Variants in SLC9C1 observed in about 807,000 individuals in gnomAD.
SLC9C1 encodes the protein solute carrier family 9 member C1.
SLC9C1 carries 97 observed loss-of-function variants against 140.9 expected under a neutral mutation model. The observed-to-expected ratio is 0.69, with a 90% CI of 0.58 to 0.82. The LOEUF (loss-of-function observed/expected upper bound fraction) is 0.82. SLC9C1 is among the 40% of genes least tolerant of loss of function. The pLI is 0.00. For synonymous variants in SLC9C1, 440 were observed against 442.6 expected, an observed-to-expected ratio of 0.99 and a Z score of 0.07; for missense variants, 1,340 against 1,389.3, an observed-to-expected ratio of 0.96 and a Z score of 0.56.
chr3:112,223,747 A>G (rs1249257644), intron 13 of SLC9C1, among the ~76,000 whole-genome samples: 2 of 152,214 alleles, frequency 1.3e-5, no homozygotes, highest in Non-Finnish European at 2.9e-5. Context: ...TACTCCAAAA[A>G]GGTTCAGATT....
At chr3:112,145,656 T>C (rs2074769977) in intron 28 of SLC9C1, among the ~76,000 whole-genome samples, 1 of 147,014 alleles carries the variant, frequency 6.8e-6, no homozygotes. Context: ...GAACCTGATA[T>C]TGGTCTGTTC....
chr3:112,214,455 A>G (rs1471445158), intron 15 of SLC9C1, among the ~76,000 whole-genome samples: 1 of 152,202 alleles, frequency 6.6e-6, no homozygotes, highest in Non-Finnish European at 1.5e-5. Flanking sequence ...AAATTGATAG[A>G]CCACTAGCAA....
Position 112,172,477 on chromosome 3 carries a change from A to C in SLC9C1, c.2920-3149T>G, listed in dbSNP as rs1560028232. ...TTTTGGTAGAATCTTACAAATGTAG[A>C]TATCATGCCATCTTGCAGAGACAAT... is the stretch of plus-strand genomic sequence containing the variant. On this transcript the variant is annotated intron_variant, in intron 23 of 28. Coordinates refer to ENST00000305815, the MANE Select transcript of SLC9C1 (RefSeq NM_183061.3). Among the ~76,000 whole-genome samples, 4 of 152,100 alleles carry C rather than the reference A, an allele frequency of 2.6e-5. No homozygotes were observed. The East Asian group carries it at 5.8e-4, about 22-fold the overall frequency.
At chr3:112,262,054 G>A (rs534082840) in intron 10 of SLC9C1, among the ~76,000 whole-genome samples, 2 of 152,118 alleles carry the variant, frequency 1.3e-5, no homozygotes, top group South Asian at 2.1e-4. Flanking sequence ...TTGGAGTGAG[G>A]AAACTGATAC....
At chr3:112,142,123 C>T (rs13314268) in intron 28 of SLC9C1, among the ~76,000 whole-genome samples, 43,312 of 152,010 alleles carry the variant, frequency 0.28, 6,348 homozygotes, top group East Asian at 0.37. Flanking sequence ...AGTGTGTGAG[C>T]ATTCTTATAA....
rs528228567 is a variant in SLC9C1 at position 112,202,306 on chromosome 3, C to T, written c.2266G>A (p.Glu756Lys). 9.9e-6 allele frequency: 16 copies of T among 1,611,330 alleles called. No individual in the cohort carries two copies. The highest frequency in any genetic ancestry group is 3.3e-5 in the Admixed American group (2 of 59,770). The change falls in exon 18 of 29, where the codon GAA (glutamate) becomes AAA (lysine). Residue 756 changes from glutamate to lysine, a missense_variant. By Grantham distance (56) the Glu-to-Lys change is moderately conservative. Coordinates refer to ENST00000305815, the MANE Select transcript of SLC9C1 (RefSeq NM_183061.3). ...TCAATTATGGTCATTATGTCTGCTT[C>T]GCCTTGGACATAGCCTTTTAGTATT... ...YGILKGYVQG[E>K]ADIMTIIDQI...
chr3:112,234,830 G>C (rs940144621), intron 12 of SLC9C1, among the ~76,000 whole-genome samples: 1 of 152,008 alleles, frequency 6.6e-6, no homozygotes, highest in African/African-American at 2.4e-5. Context: ...CTGTTCCATT[G>C]TCTAGATCTC....
chr3:112,185,506 T>C, intron 20 of SLC9C1: 4 of 1,612,204 alleles, frequency 2.5e-6, no homozygotes, highest in Non-Finnish European at 3.4e-6. Context: ...ATCTCTCCTT[T>C]TTCAGGTACA....
At position 112,274,955 on chromosome 3, in the gene SLC9C1, T is replaced by C; in HGVS notation, c.555A>G (p.Thr185=). The C allele has an allele frequency of 6.3e-7, 1 of 1,577,458 alleles. No individual in the cohort carries two copies. Among genetic ancestry groups the C allele is most frequent in the South Asian group, 1.2e-5 (1 of 82,818 alleles). Residue 185 remains threonine, a synonymous_variant, in exon 6 of 29, where the codon ACA becomes ACG. Transcript: ENST00000305815. ...SLMTSVISLI[T]FTSIMDFDQR... ...GGTCAAAATCCATAATACTAGTAAA[T>C]GTAATTAATGATATAACAGAGGTCA...
chr3:112,202,500 C>T lies in SLC9C1; in HGVS notation c.2173-101G>A, dbSNP rs2077932561. 4 of 1,190,604 alleles carry T rather than the reference C, an allele frequency of 3.4e-6. No individual in the cohort carries two copies. In the South Asian group the frequency reaches 5.2e-5, roughly 15 times the overall value. The allele number at this position is 1,190,604 out of a possible 1,614,324, so 73.8% of individuals were successfully genotyped here. A position where few individuals can be genotyped will look rare whatever the true frequency, so the allele number is the denominator to read the frequency against. ...ATAGTTAATAATAAGAAATTAAGTGCCCTCAAAGGTAACTACAATAACCTG... is the reference window on the plus strand; with the variant it reads ...ATAGTTAATAATAAGAAATTAAGTGTCCTCAAAGGTAACTACAATAACCTG... On this transcript the variant is annotated intron_variant, in intron 17 of 28. Transcript: ENST00000305815.
At chr3:112,235,509 A>C (rs1294705484) in intron 12 of SLC9C1, among the ~76,000 whole-genome samples, 2 of 150,540 alleles carry the variant, frequency 1.3e-5, no homozygotes, top group Non-Finnish European at 3.0e-5. Flanking sequence ...TTCCAACACT[A>C]TGTTGAATAG....
At chr3:112,174,262 T>A (rs2077296406) in intron 23 of SLC9C1, among the ~76,000 whole-genome samples, 1 of 152,166 alleles carries the variant, frequency 6.6e-6, no homozygotes, top group Non-Finnish European at 1.5e-5. Context: ...TCCACCTCCA[T>A]GAAATGTGGA....
At chr3:112,194,954 C>T (rs2077739121) in intron 20 of SLC9C1, among the ~76,000 whole-genome samples, 1 of 152,188 alleles carries the variant, frequency 6.6e-6, no homozygotes, top group South Asian at 2.1e-4. Flanking sequence ...GGAGAAATTT[C>T]TATTCAAATG....
intron 26 of SLC9C1, 62 bp downstream of exon 26, chr3:112,167,159 C>T: frequency 1.3e-6 from 2 of 1,572,206 alleles, no homozygotes; most frequent in Non-Finnish European, 1.7e-6. Flanking sequence ...TCCAAATACA[C>T]ATATGGCTAT....
intron 26 of SLC9C1, among the ~76,000 whole-genome samples, chr3:112,157,698 C>T (rs1285413864): frequency 6.6e-6 from 1 of 151,580 alleles, no homozygotes; most frequent in East Asian, 1.9e-4. Flanking sequence ...TGATTTCTTT[C>T]AACAGTGTTT....
At chr3:112,151,811 G>GGACA (rs1560004727) in intron 28 of SLC9C1, 46 bp downstream of exon 28, 1 of 1,498,446 alleles carries the variant, frequency 6.7e-7, no homozygotes, top group South Asian at 1.2e-5. Context: ...GTATCTCCAG[G>GGACA]GACAGATGTG....
intron 20 of SLC9C1, among the ~76,000 whole-genome samples, chr3:112,191,575 TG>T (rs879322238): frequency 6.6e-6 from 1 of 152,180 alleles, no homozygotes; most frequent in Non-Finnish European, 1.5e-5. Flanking sequence ...ATTCTTTCAA[TG>T]TGTTTTTGAA....
At chr3:112,279,771 G>A (rs1301227560) in intron 3 of SLC9C1, among the ~76,000 whole-genome samples, 3 of 152,158 alleles carry the variant, frequency 2.0e-5, no homozygotes, top group African/African-American at 7.2e-5. Flanking sequence ...TGGGATTATG[G>A]TTCAGGAAAC....
chr3:112,176,567 A>G (rs147213900), intron 23 of SLC9C1, among the ~76,000 whole-genome samples: 116 of 152,330 alleles, frequency 7.6e-4, no homozygotes, highest in African/African-American at 2.4e-3. Context: ...TATACTATAG[A>G]TCACAATTTC....
Sources: gnomAD v4.1 joint callset for allele counts (sites outside exome capture counted in the v4.1 genomes callset) on GRCh38, gnomAD v4.1.1 for gene constraint, MANE v1.5 for transcripts, NCBI Gene and HGNC (gene_info 2026-07-23, HGNC 2026-07-21) for gene names.